Variants in IP6K2 observed in about 807,000 individuals in gnomAD.
The protein encoded by IP6K2 is inositol hexakisphosphate kinase 2, also known as ATP:1D-myo-inositol-hexakisphosphate phosphotransferase.
In IP6K2, 9 loss-of-function variants were observed where a neutral mutation model predicts 43.3. The observed-to-expected ratio is 0.21, with a 90% confidence interval of 0.13 to 0.36. The LOEUF is 0.36. Among genes scored for constraint, IP6K2 ranks in the 10% least tolerant of loss-of-function variants. The probability of loss-of-function intolerance (pLI) is 1.00; values close to 1 mark genes in which losing one functional copy is unlikely to be tolerated. For synonymous variants in IP6K2, 209 were observed against 202.4 expected, an observed-to-expected ratio of 1.03 and a Z score of -0.28; for missense variants, 332 against 538.4, an observed-to-expected ratio of 0.62 and a Z score of 3.79.
At position 48,688,647 on chromosome 3, in the gene IP6K2, G is replaced by A. The variant is rs1469566760; in HGVS notation, c.907C>T (p.Leu303Phe). The A allele has an allele frequency of 6.2e-7, 1 of 1,614,134 alleles. No homozygotes were observed. The highest frequency in any genetic ancestry group is 1.3e-5 in the African/African-American group (1 of 74,942). ...AGCTTCTTGAGCACAGGGCCCAGGA[G>A]TTCACGGCGCAGGTACCGCCCATTG... ...FHNGRYLRRE[L>F]LGPVLKKLTE... Residue 303 changes from leucine to phenylalanine, a missense_variant, in exon 6 of 6, where the codon CTC (leucine) becomes TTC (phenylalanine). Transcript: ENST00000328631. The surrounding 1 kb of genome is among the most constrained non-coding windows in gnomAD (Gnocchi z 5.1).
At chr3:48,713,459 G>A (rs1225193285) in intron 1 of IP6K2, among the ~76,000 whole-genome samples, 1 of 152,256 alleles carries the variant, frequency 6.6e-6, no homozygotes, top group African/African-American at 2.4e-5. Flanking sequence ...AGACTTAGGA[G>A]ATCTAGCCCA....
chr3:48,697,533 G>A (rs1216020564), intron 1 of IP6K2, among the ~76,000 whole-genome samples: 1 of 145,856 alleles, frequency 6.9e-6, no homozygotes, highest in Non-Finnish European at 1.5e-5. Context: ...TAGAGACAGG[G>A]TTTCACCATG....
intron 1 of IP6K2, chr3:48,699,641 A>G (rs1005042835): frequency 3.3e-5 from 5 of 152,216 alleles, no homozygotes; most frequent in Admixed American, 3.3e-4. Context: ...GCCAAGTCTG[A>G]TAAGAAACTT....
intron 1 of IP6K2, chr3:48,716,371 G>GT (rs2081191887): frequency 6.6e-6 from 1 of 152,102 alleles, no homozygotes; most frequent in Admixed American, 6.5e-5. Flanking sequence ...GACTAGTTCT[G>GT]TTTTCCCTGG....
chr3:48,690,156 G>A (rs1188099300), intron 4 of IP6K2, among the ~76,000 whole-genome samples: 3 of 152,184 alleles, frequency 2.0e-5, no homozygotes, highest in Non-Finnish European at 4.4e-5. Context: ...TCAGCTGTGT[G>A]CACTAAAAAG....
rs1236669871 is a variant in IP6K2 at position 48,695,875 on chromosome 3, T to C, written c.-130-454A>G. 1.4e-5 allele frequency among the ~76,000 whole-genome samples: 2 copies of C among 147,626 alleles called. No individual in the cohort carries two copies. The highest frequency in any genetic ancestry group is 2.5e-5 in the African/African-American group (1 of 40,682). ...TATATATAAAATAAATATATATATA[T>C]AATTTTTTAATATATATAATTTTTT... is the stretch of plus-strand genomic sequence containing the variant. On this transcript the variant is annotated intron_variant, in intron 1 of 5. Transcript: ENST00000328631. This position sits in a 1 kb window ranked among gnomAD's most constrained non-coding sequence, Gnocchi z 4.6.
chr3:48,693,835 G>A (rs1045300171), intron 2 of IP6K2: 2 of 1,128,556 alleles, frequency 1.8e-6, no homozygotes, highest in East Asian at 5.4e-5. Context: ...ATGAACACAA[G>A]GCAGATAGAG....
At chr3:48,715,514 TG>T in intron 1 of IP6K2, 2 of 1,496,934 alleles carry the variant, frequency 1.3e-6, no homozygotes, top group South Asian at 2.4e-5. Context: ...TGTACCTGTC[TG>T]TCACCTAGGA....
intron 1 of IP6K2, among the ~76,000 whole-genome samples, chr3:48,705,884 T>TA (rs1253574762): frequency 8.0e-6 from 1 of 124,746 alleles, no homozygotes; most frequent in African/African-American, 2.9e-5. Flanking sequence ...AATAAAAAAA[T>TA]AAAAAATAAT....
In IP6K2 at chr3:48,688,023, G is replaced by A; in HGVS notation, c.*250C>T. 1 of 535,502 alleles carries A rather than the reference G, an allele frequency of 1.9e-6. No individual in the cohort carries two copies. Among genetic ancestry groups the A allele is most frequent in the Non-Finnish European group, 3.4e-6 (1 of 298,344 alleles). 33.2% of individuals were successfully genotyped at this position (535,502 alleles called of 1,614,324 possible). ...CTATATACAATAAACAAAAAGATTTGTATTAGAACATATACACTCAGGGAA... is the reference window on the plus strand; with the variant it reads ...CTATATACAATAAACAAAAAGATTTATATTAGAACATATACACTCAGGGAA... On this transcript the variant is annotated 3_prime_UTR_variant, in exon 6 of 6. Coordinates refer to ENST00000328631, the MANE Select transcript of IP6K2 (RefSeq NM_016291.4). This position sits in a 1 kb window ranked among gnomAD's most constrained non-coding sequence, Gnocchi z 5.1.
chr3:48,711,625 C>T (rs1370126638), intron 1 of IP6K2, among the ~76,000 whole-genome samples: 1 of 152,136 alleles, frequency 6.6e-6, no homozygotes, highest in Non-Finnish European at 1.5e-5. Flanking sequence ...CTTTTACTGC[C>T]TTACAGGTAA....
In IP6K2 at chr3:48,706,164, G is replaced by A. The variant is rs138602204; in HGVS notation, c.-130-10743C>T. ...GGAGGTTGCAGTGAGCCGAGACTAC[G>A]CCATTGCACTCCAGCCTGAGCTACA... is the stretch of plus-strand genomic sequence containing the variant. On this transcript the variant is annotated intron_variant, in intron 1 of 5. Coordinates refer to ENST00000328631, the MANE Select transcript of IP6K2 (RefSeq NM_016291.4). Among the ~76,000 whole-genome samples the A allele has an allele frequency of 2.5e-4, 38 of 151,642 alleles. 1 individual carries two copies. The East Asian group carries it at 6.6e-3, about 26-fold the overall frequency.
chr3:48,697,299 G>T (rs1229179946), intron 1 of IP6K2, among the ~76,000 whole-genome samples: 1 of 151,646 alleles, frequency 6.6e-6, no homozygotes. Context: ...GATTACAGGC[G>T]TGAGCCACCG....
Position 48,694,513 on chromosome 3 carries a change from C to A in IP6K2, c.202+577G>T, listed in dbSNP as rs1424254106. 3 of 1,538,742 alleles carry A rather than the reference C, an allele frequency of 1.9e-6. No individual in the cohort carries two copies. The Admixed American group carries it at 6.5e-5, about 33-fold the overall frequency. On this transcript the variant is annotated intron_variant, in intron 2 of 5. Coordinates refer to ENST00000328631, the MANE Select transcript of IP6K2 (RefSeq NM_016291.4). ...AACAAAGACCCCACCATGCTGGTGG[C>A]TGCTGATGTCCCCTATAAAATACAT...
Position 48,694,824 on chromosome 3 carries a change from C to A in IP6K2, c.202+266G>T, listed in dbSNP as rs1361703071. ...TATGGGTTACTGTGATCAAGAGACA[C>A]CTGAACATAAAACACAACTACACTT... is the stretch of plus-strand genomic sequence containing the variant. On this transcript the variant is annotated intron_variant, in intron 2 of 5. Transcript: ENST00000328631. 3.3e-6 allele frequency: 5 copies of A among 1,536,424 alleles called. No individual in the cohort carries two copies. In the African/African-American group the frequency reaches 4.1e-5, roughly 13 times the overall value.
At chr3:48,698,055 C>T (rs1362491019) in intron 1 of IP6K2, among the ~76,000 whole-genome samples, 3 of 152,044 alleles carry the variant, frequency 2.0e-5, no homozygotes, top group Admixed American at 6.6e-5. Context: ...CAGGAAGGCA[C>T]GTATTGAGAA....
intron 1 of IP6K2, among the ~76,000 whole-genome samples, chr3:48,713,602 C>T (rs2080808789): frequency 6.6e-6 from 1 of 152,178 alleles, no homozygotes; most frequent in Non-Finnish European, 1.5e-5. Flanking sequence ...GGATTAGACA[C>T]TCAATTTCGA....
At chr3:48,705,003 G>A (rs1285906333) in intron 1 of IP6K2, among the ~76,000 whole-genome samples, 4 of 151,170 alleles carry the variant, frequency 2.6e-5, no homozygotes, top group Admixed American at 6.6e-5. Context: ...GTGCAGTGGC[G>A]CATTCTCAGC....
chr3:48,688,238 A>G lies in IP6K2; in HGVS notation c.*35T>C, dbSNP rs1297153068. On this transcript the variant is annotated 3_prime_UTR_variant, in exon 6 of 6. Coordinates refer to ENST00000328631, the MANE Select transcript of IP6K2 (RefSeq NM_016291.4). The surrounding 1 kb of genome is among the most constrained non-coding windows in gnomAD (Gnocchi z 5.1). ...CGCAGCACAGCTGTGCCTGGGACAC[A>G]GAGTCGCTCTCAAGTACTGGAGCAG... The G allele has an allele frequency of 2.5e-6, 4 of 1,601,216 alleles. No individual in the cohort carries two copies. Among genetic ancestry groups the G allele is most frequent in the Non-Finnish European group, 3.4e-6 (4 of 1,171,104 alleles).
Sources: allele counts gnomAD v4.1 joint callset (sites outside exome capture counted in the v4.1 genomes callset), GRCh38; gene constraint gnomAD v4.1.1; non-coding constraint Gnocchi (gnomAD v3.1); transcripts MANE v1.5; gene names NCBI Gene and HGNC (gene_info 2026-07-23, HGNC 2026-07-21).